Variants in NSD1 observed in about 807,000 individuals in gnomAD.
NSD1 encodes the protein histone-lysine N-methyltransferase, H3 lysine-36 specific.
NSD1 carries 26 observed loss-of-function variants against 242.7 expected under a neutral mutation model. The ratio of observed to expected loss-of-function variants is 0.11; its 90% CI spans 0.08 to 0.15. The LOEUF is 0.15. NSD1 is among the 10% of genes least tolerant of loss of function. NSD1 has a pLI of 1.00. For synonymous variants in NSD1, 1,106 were observed against 1,178.1 expected, an observed-to-expected ratio of 0.94 and a Z score of 1.25; for missense variants, 2,495 against 3,272.8, an observed-to-expected ratio of 0.76 and a Z score of 5.80.
chr5:177,250,855 G>A (rs1404008962), intron 11 of NSD1, among the ~76,000 whole-genome samples: 1 of 152,090 alleles, frequency 6.6e-6, no homozygotes, highest in African/African-American at 2.4e-5. Flanking sequence ...AACTTACTTA[G>A]TCACCTTTCC....
chr5:177,269,554 G>A lies in NSD1; in HGVS notation c.5304-48G>A, dbSNP rs75611348. 8.4e-6 allele frequency: 13 copies of A among 1,539,122 alleles called. No homozygotes were observed. Among genetic ancestry groups the A allele is most frequent in the East Asian group, 4.5e-5 (2 of 44,500 alleles). On this transcript the variant is annotated intron_variant, in intron 15 of 22. Coordinates refer to ENST00000439151, the MANE Select transcript of NSD1 (RefSeq NM_022455.5). This position sits in a 1 kb window ranked among gnomAD's most constrained non-coding sequence, Gnocchi z 5.1. ...TATATGAGTAGGTTATTTTCCTAAT[G>A]CCTTGCAGCCTTCTAGAGGTTTTCC... is the stretch of plus-strand genomic sequence containing the variant.
chr5:177,246,744 A>C lies in NSD1; in HGVS notation c.4445A>C (p.Gln1482Pro). 1 of 1,614,156 alleles carries C rather than the reference A, an allele frequency of 6.2e-7. No homozygotes were observed. The highest frequency in any genetic ancestry group is 8.5e-7 in the Non-Finnish European group (1 of 1,179,996). Residue 1482 changes from glutamine (Q) to proline (P), a missense_variant, in exon 10 of 23, where the codon CAG (glutamine) becomes CCG (proline). By Grantham distance (76) the Gln-to-Pro change is moderately conservative. Around this residue, in one of 19 missense-constraint regions of NSD1, gnomAD observed 97 missense variants for 97.7 expected, o/e 0.99. Coordinates refer to ENST00000439151, the MANE Select transcript of NSD1 (RefSeq NM_022455.5). ...KRQRHAAAKM[Q>P]CKKVKNDDSS... The stretch of plus-strand genomic sequence containing the variant: ...CAGAGGCATGCTGCAGCCAAGATGC[A>C]GTGTAAAAAAGTGAAAAATGATGAC...
intron 2 of NSD1, among the ~76,000 whole-genome samples, chr5:177,154,221 G>C (rs1757946402): frequency 1.3e-5 from 2 of 151,918 alleles, no homozygotes; most frequent in South Asian, 4.2e-4. Flanking sequence ...GACAGACCAA[G>C]CAGGAAGATG....
In NSD1 at chr5:177,296,719, C is replaced by A. The variant is rs1446245231; in HGVS notation, c.*1260C>A. ...GCTAAGAGATGACTCCTATTAACTG[C>A]TGATTATCTGTTACTGCTGCCCTGA... On this transcript the variant is annotated 3_prime_UTR_variant, in exon 23 of 23. Transcript: ENST00000439151. 8.6e-6 allele frequency: 2 copies of A among 233,222 alleles called. No homozygotes were observed. Among genetic ancestry groups the A allele is most frequent in the African/African-American group, 4.4e-5 (2 of 45,334 alleles). 14.4% of individuals were successfully genotyped at this position (233,222 alleles called of 1,614,324 possible).
chr5:177,231,430 A>G (rs1765045562), intron 5 of NSD1, among the ~76,000 whole-genome samples: 1 of 152,120 alleles, frequency 6.6e-6, no homozygotes, highest in Non-Finnish European at 1.5e-5. Context: ...TAATATTTTG[A>G]TCATAAAACA....
chr5:177,148,528 G>T (rs1215614929), intron 2 of NSD1, among the ~76,000 whole-genome samples: 1 of 152,092 alleles, frequency 6.6e-6, no homozygotes, highest in Non-Finnish European at 1.5e-5. Context: ...GGATTCAAGC[G>T]ATTATCCCGC....
chr5:177,181,427 G>GTTGTTTTTTTTTTTT (rs1554183366), intron 2 of NSD1, among the ~76,000 whole-genome samples: 3 of 117,334 alleles, frequency 2.6e-5, no homozygotes, highest in Admixed American at 9.0e-5. Flanking sequence ...TTTTTTTTTG[G>GTTGTTTTTTTTTTTT]TTTTTTTTTT....
chr5:177,151,543 C>T (rs931852545), intron 2 of NSD1, among the ~76,000 whole-genome samples: 2 of 151,880 alleles, frequency 1.3e-5, no homozygotes, highest in Admixed American at 6.6e-5. Context: ...CATGTGCCAC[C>T]ACGCCCGGCT....
intron 21 of NSD1, among the ~76,000 whole-genome samples, chr5:177,291,600 C>T (rs965626790): frequency 6.6e-5 from 10 of 152,166 alleles, no homozygotes; most frequent in Non-Finnish European, 1.2e-4. Context: ...TTGCAGTGAG[C>T]CGAGATCGCG....
chr5:177,290,641 T>G (rs994382029), intron 21 of NSD1, among the ~76,000 whole-genome samples: 1 of 151,600 alleles, frequency 6.6e-6, no homozygotes, highest in Non-Finnish European at 1.5e-5. Context: ...ACTCCTGACC[T>G]CAGGTGATCC....
rs776701573 is a variant in NSD1, at chr5:177,191,991, G to A, written c.1035G>A (p.Pro345=). 21 of 1,613,938 alleles carry A rather than the reference G, an allele frequency of 1.3e-5. No homozygotes were observed. Among genetic ancestry groups the A allele is most frequent in the South Asian group, 2.2e-5 (2 of 91,070 alleles). Residue 345 remains proline, a synonymous_variant, in exon 3 of 23, where the codon CCG becomes CCA. Coordinates refer to ENST00000439151, the MANE Select transcript of NSD1 (RefSeq NM_022455.5). ...GGCCCTGCAGGATTTGTTCTGATCCGTTGATTAACACACATTCAAAAATGA... is the reference window on the plus strand; with the variant it reads ...GGCCCTGCAGGATTTGTTCTGATCCATTGATTAACACACATTCAAAAATGA... ...PWWPCRICSD[P]LINTHSKMKV...
chr5:177,201,304 G>T (rs534945358), intron 3 of NSD1, among the ~76,000 whole-genome samples: 3 of 151,718 alleles, frequency 2.0e-5, no homozygotes, highest in Non-Finnish European at 2.9e-5. Flanking sequence ...CTGCCTCCTG[G>T]GTTCAAGCGA....
chr5:177,163,606 C>T (rs1758937113), intron 2 of NSD1, among the ~76,000 whole-genome samples: 1 of 152,114 alleles, frequency 6.6e-6, no homozygotes. Context: ...AAATTAATTC[C>T]TAGTTCAGTA....
Position 177,211,063 on chromosome 5 carries a change from A to G in NSD1, c.2664A>G (p.Leu888=). ...DSGTSKPSKP[L]LFSSASSQNH... ...GAACATCAAAGCCATCAAAACCATTACTTTTCTCTTCTGCTTCTAGTCAGA... is the reference window on the plus strand; with the variant it reads ...GAACATCAAAGCCATCAAAACCATTGCTTTTCTCTTCTGCTTCTAGTCAGA... Residue 888 remains leucine (L), a synonymous_variant, in exon 5 of 23, where the codon TTA becomes TTG. Transcript: ENST00000439151. 6.2e-7 allele frequency: 1 copy of G among 1,614,190 alleles called. No individual in the cohort carries two copies. Among genetic ancestry groups the G allele is most frequent in the East Asian group, 2.2e-5 (1 of 44,884 alleles).
At chr5:177,249,581 C>G (rs1755744955) in intron 11 of NSD1, among the ~76,000 whole-genome samples, 1 of 151,560 alleles carries the variant, frequency 6.6e-6, no homozygotes, top group African/African-American at 2.4e-5. Flanking sequence ...ATTCTCCTGC[C>G]TCAGCCTCCC....
At chr5:177,213,536 C>T (rs1461317854) in intron 5 of NSD1, among the ~76,000 whole-genome samples, 1 of 152,066 alleles carries the variant, frequency 6.6e-6, no homozygotes, top group East Asian at 1.9e-4. Flanking sequence ...GGCGTGATCT[C>T]GGCTCACTGC....
chr5:177,295,408 T>C lies in NSD1; in HGVS notation c.8040T>C (p.Ala2680=). 5.6e-6 allele frequency: 9 copies of C among 1,614,140 alleles called. No homozygotes were observed. The highest frequency in any genetic ancestry group is 1.1e-5 in the South Asian group (1 of 91,076). Residue 2680 remains alanine (A), a synonymous_variant, in exon 23 of 23, where the codon GCT becomes GCC. Coordinates refer to ENST00000439151, the MANE Select transcript of NSD1 (RefSeq NM_022455.5). This position sits in a 1 kb window ranked among gnomAD's most constrained non-coding sequence, Gnocchi z 4.3. The part of the protein sequence containing the change: ...DPKPEQNTLP[A]LNQAPSSHKC... ...AACCAGAGCAAAATACACTTCCAGC[T>C]CTTAACCAGGCTCCTTCCAGTCACA...
At chr5:177,264,907 C>A in intron 14 of NSD1, 1 of 790,446 alleles carries the variant, frequency 1.3e-6, no homozygotes, top group African/African-American at 1.7e-5. Context: ...AATGGGTACT[C>A]TTCAAAAAGG....
intron 20 of NSD1, among the ~76,000 whole-genome samples, chr5:177,286,298 T>TA (rs1342082916): frequency 6.6e-6 from 1 of 152,250 alleles, no homozygotes; most frequent in African/African-American, 2.4e-5. Context: ...AGCCACTAGT[T>TA]ACTTTCGGGT....
Sources: allele counts gnomAD v4.1 joint callset (sites outside exome capture counted in the v4.1 genomes callset), GRCh38; gene constraint gnomAD v4.1.1; regional missense constraint gnomAD v4.1.1; non-coding constraint Gnocchi (gnomAD v3.1); transcripts MANE v1.5; gene names NCBI Gene and HGNC (gene_info 2026-07-23, HGNC 2026-07-21).